IFFO2: variants seen among roughly 807,000 people sequenced by gnomAD.
IFFO2 encodes intermediate filament family orphan 2.
IFFO2 carries 19 observed loss-of-function variants against 53.5 expected under a neutral mutation model. That is an observed-to-expected ratio of 0.36 (90% CI 0.25 to 0.52). The LOEUF (loss-of-function observed/expected upper bound fraction) is 0.52. Among genes scored for constraint, IFFO2 ranks in the 20% least tolerant of loss-of-function variants. The pLI, the probability that IFFO2 is intolerant of heterozygous loss-of-function variation, is 0.94. For synonymous variants in IFFO2, 303 were observed against 313.6 expected (o/e 0.97, Z 0.36); for missense variants, 570 against 727.4 (o/e 0.78, Z 2.49).
chr1:18,915,042 C>CCT (rs1936111196), intron 5 of IFFO2, among the ~76,000 whole-genome samples: 1 of 152,168 alleles, frequency 6.6e-6, no homozygotes. Context: ...TCCAACCCTG[C>CCT]CTCTGCCTCC....
chr1:18,911,054 C>T (rs934434142), intron 7 of IFFO2, among the ~76,000 whole-genome samples: 1 of 152,246 alleles, frequency 6.6e-6, no homozygotes, highest in Non-Finnish European at 1.5e-5. Flanking sequence ...CTGCATAGGG[C>T]ACAGGTAAGG....
chr1:18,948,564 C>G (rs1936619533), intron 1 of IFFO2, among the ~76,000 whole-genome samples: 1 of 152,218 alleles, frequency 6.6e-6, no homozygotes, highest in Non-Finnish European at 1.5e-5. Flanking sequence ...CCACATCCTG[C>G]TCAGGAAGCC....
At chr1:18,921,018 C>T (rs1936208585) in intron 2 of IFFO2, 43 bp downstream of exon 2, 3 of 1,535,538 alleles carry the variant, frequency 2.0e-6, no homozygotes. Flanking sequence ...CCACATGGCT[C>T]TCTGGCGTGC....
At chr1:18,942,094 G>A (rs1030824320) in intron 1 of IFFO2, among the ~76,000 whole-genome samples, 1 of 152,258 alleles carries the variant, frequency 6.6e-6, no homozygotes, top group Non-Finnish European at 1.5e-5. Flanking sequence ...GGAGGGAGCA[G>A]GCAGTTCTCA....
At chr1:18,926,066 A>T (rs796075081) in intron 1 of IFFO2, among the ~76,000 whole-genome samples, 6 of 88,192 alleles carry the variant, frequency 6.8e-5, no homozygotes, top group South Asian at 7.9e-4. Flanking sequence ...GGTTGGATGG[A>T]TGGATGGATG....
intron 2 of IFFO2, 73 bp downstream of exon 2, chr1:18,920,988 A>G: frequency 7.3e-7 from 1 of 1,360,610 alleles, no homozygotes; most frequent in South Asian, 1.2e-5. Context: ...GCTTTGCCGC[A>G]TGAAGACTGT....
Position 18,953,748 on chromosome 1 carries a change from C to T in IFFO2, c.665+1920G>A, listed in dbSNP as rs149596913. Among the ~76,000 whole-genome samples the T allele has an allele frequency of 1.1e-4, 17 of 152,288 alleles. No homozygotes were observed. The East Asian group carries it at 2.9e-3, about 26-fold the overall frequency. ...CGCACTCCACCTGTCTCAGCAGCAC[C>T]GTCTCATTCCAGGCCAGCGCCAGAA... is the stretch of plus-strand genomic sequence containing the variant. On this transcript the variant is annotated intron_variant, in intron 1 of 8. Coordinates refer to ENST00000455833, the MANE Select transcript of IFFO2 (RefSeq NM_001136265.2).
At chr1:18,945,435 A>G (rs1054724054) in intron 1 of IFFO2, among the ~76,000 whole-genome samples, 25 of 152,340 alleles carry the variant, frequency 1.6e-4, no homozygotes, top group African/African-American at 5.8e-4. Context: ...ACTTCACAAG[A>G]TCTACTTAGA....
At chr1:18,933,734 G>A (rs570509549) in intron 1 of IFFO2, among the ~76,000 whole-genome samples, 40 of 151,954 alleles carry the variant, frequency 2.6e-4, no homozygotes, top group Non-Finnish European at 4.7e-4. Context: ...CTCCAGCCTG[G>A]GTGACAGAGC....
intron 1 of IFFO2, among the ~76,000 whole-genome samples, chr1:18,934,843 G>A (rs1936424366): frequency 6.6e-6 from 1 of 152,214 alleles, no homozygotes; most frequent in African/African-American, 2.4e-5. Context: ...TGGCTGCAGG[G>A]CCACTGGTTT....
intron 1 of IFFO2, among the ~76,000 whole-genome samples, chr1:18,942,681 T>C (rs1286138073): frequency 3.9e-5 from 6 of 152,062 alleles, no homozygotes; most frequent in Admixed American, 3.3e-4. Context: ...TTCCCCACAA[T>C]TGAATTATGT....
Position 18,939,693 on chromosome 1 carries a change from C to T in IFFO2, c.665+15975G>A, listed in dbSNP as rs554379309. Among the ~76,000 whole-genome samples, 8 of 152,220 alleles carry T rather than the reference C, an allele frequency of 5.3e-5. No homozygotes were observed. In the South Asian group the frequency reaches 1.0e-3, roughly 20 times the overall value. On this transcript the variant is annotated intron_variant, in intron 1 of 8. Transcript: ENST00000455833. Reference sequence around the variant, plus strand: ...GGAGATTGTAGGTGGGAAGAGGGTACGCAGCAAGGTAATGGTGCTGCCTTG... The same window carrying T: ...GGAGATTGTAGGTGGGAAGAGGGTATGCAGCAAGGTAATGGTGCTGCCTTG...
chr1:18,926,927 A>G (rs1025016858), intron 1 of IFFO2, among the ~76,000 whole-genome samples: 8 of 152,108 alleles, frequency 5.3e-5, no homozygotes, highest in African/African-American at 1.9e-4. Context: ...CAAAACAATG[A>G]AGCCCTCCAG....
At chr1:18,911,247 C>A (rs910582600) in intron 7 of IFFO2, 137 bp downstream of exon 7, 2 of 421,166 alleles carry the variant, frequency 4.7e-6, no homozygotes, top group Non-Finnish European at 4.2e-6. Flanking sequence ...CGCCCCGAGG[C>A]CTCCTGACTC....
Position 18,906,791 on chromosome 1 carries a change from C to T in IFFO2, c.*1770G>A, listed in dbSNP as rs979344703. On this transcript the variant is annotated 3_prime_UTR_variant, in exon 9 of 9. Coordinates refer to ENST00000455833, the MANE Select transcript of IFFO2 (RefSeq NM_001136265.2). ...TGGAAGTGTCACAGCCAGACTGCCACAGGGGACCCGTGGGAGGTGCCCCCA... is the reference window on the plus strand; with the variant it reads ...TGGAAGTGTCACAGCCAGACTGCCATAGGGGACCCGTGGGAGGTGCCCCCA... 2 of 152,196 alleles carry T rather than the reference C, an allele frequency of 1.3e-5. No homozygotes were observed. Among genetic ancestry groups the T allele is most frequent in the Non-Finnish European group, 2.9e-5 (2 of 68,036 alleles). 9.4% of individuals were successfully genotyped at this position (152,196 alleles called of 1,614,324 possible).
At chr1:18,944,588 A>G (rs1188678114) in intron 1 of IFFO2, among the ~76,000 whole-genome samples, 1 of 152,168 alleles carries the variant, frequency 6.6e-6, no homozygotes, top group East Asian at 1.9e-4. Context: ...CCCTACCCCC[A>G]GCCCCATAGT....
rs867441192 is a variant in IFFO2, at chr1:18,919,424, G to C, written c.822+254C>G. Among the ~76,000 whole-genome samples the C allele has an allele frequency of 6.6e-6, 1 of 152,006 alleles. No individual in the cohort carries two copies. The highest frequency in any genetic ancestry group is 1.5e-5 in the Non-Finnish European group (1 of 67,992). ...CACACACAGACCATCAGGGGAGCCC[G>C]GGGGAGGGCGGGATAGGTTAAGCGG... On this transcript the variant is annotated intron_variant, in intron 3 of 8. Coordinates refer to ENST00000455833, the MANE Select transcript of IFFO2 (RefSeq NM_001136265.2). This position sits in a 1 kb window ranked among gnomAD's most constrained non-coding sequence, Gnocchi z 4.9.
At chr1:18,922,031 A>G (rs1005043779) in intron 1 of IFFO2, among the ~76,000 whole-genome samples, 4 of 152,110 alleles carry the variant, frequency 2.6e-5, no homozygotes, top group African/African-American at 9.7e-5. Flanking sequence ...CCTCGTAACA[A>G]CCTATGACGT....
At chr1:18,914,882 G>A (rs896955399) in intron 5 of IFFO2, among the ~76,000 whole-genome samples, 1 of 151,550 alleles carries the variant, frequency 6.6e-6, no homozygotes, top group Non-Finnish European at 1.5e-5. Context: ...TATGAGATGG[G>A]GGGTATCAAA....
Sources: allele counts gnomAD v4.1 joint callset (sites outside exome capture counted in the v4.1 genomes callset), GRCh38; gene constraint gnomAD v4.1.1; non-coding constraint Gnocchi (gnomAD v3.1); transcripts MANE v1.5; gene names NCBI Gene and HGNC (gene_info 2026-07-23, HGNC 2026-07-21).